MAGI2: variants seen among roughly 807,000 people sequenced by gnomAD.
MAGI2 encodes membrane-associated guanylate kinase, WW and PDZ domain-containing protein 2.
In MAGI2, 35 loss-of-function variants were observed where a neutral mutation model predicts 133.3. That is an observed-to-expected ratio of 0.26 (90% CI 0.20 to 0.35). The LOEUF is 0.35. Ranked by LOEUF, MAGI2 falls within the 10% of genes least tolerant of loss-of-function variation. The pLI, the probability that MAGI2 is intolerant of heterozygous loss-of-function variation, is 1.00. For synonymous variants in MAGI2, 729 were observed against 710.6 expected (o/e 1.03, Z -0.41); for missense variants, 1,636 against 1,863.4 (o/e 0.88, Z 2.25).
chr7:78,890,029 G>C (rs1259617681), intron 2 of MAGI2, among the ~76,000 whole-genome samples: 1 of 152,190 alleles, frequency 6.6e-6, no homozygotes, highest in African/African-American at 2.4e-5. Flanking sequence ...AAGGGATGGA[G>C]GAAGATCTAC....
chr7:78,633,705 CAA>C (rs36102006), intron 2 of MAGI2, among the ~76,000 whole-genome samples: 10 of 80,902 alleles, frequency 1.2e-4, no homozygotes, highest in Non-Finnish European at 1.5e-4. Context: ...GACTCCGTCT[CAA>C]AAAAAAAAAA....
chr7:79,032,670 T>A (rs913155692), intron 1 of MAGI2, among the ~76,000 whole-genome samples: 1 of 152,020 alleles, frequency 6.6e-6, no homozygotes, highest in East Asian at 1.9e-4. Flanking sequence ...ATCTGTAGCT[T>A]TCAGGGAATC....
At chr7:79,015,343 A>AT (rs199527886) in intron 1 of MAGI2, among the ~76,000 whole-genome samples, 1,577 of 81,044 alleles carry the variant, frequency 0.019, 26 homozygotes, top group African/African-American at 0.062. Context: ...GTCCTCTAAT[A>AT]TTTTTTTTCA....
intron 9 of MAGI2, chr7:78,285,845 T>G (rs1796095509): frequency 6.6e-6 from 1 of 152,148 alleles, no homozygotes; most frequent in South Asian, 2.1e-4. Flanking sequence ...CCTCTAGACC[T>G]GCAGTTCATA....
At chr7:78,223,268 C>T (rs571568879) in intron 10 of MAGI2, among the ~76,000 whole-genome samples, 1 of 152,202 alleles carries the variant, frequency 6.6e-6, no homozygotes, top group East Asian at 1.9e-4. Flanking sequence ...GTTCCCCAGA[C>T]CATTTGTTCT....
intron 1 of MAGI2, among the ~76,000 whole-genome samples, chr7:79,251,134 C>G (rs926784171): frequency 1.3e-5 from 2 of 152,042 alleles, no homozygotes; most frequent in Non-Finnish European, 2.9e-5. Flanking sequence ...TATGAAACTA[C>G]TAGAGGAAAC....
intron 1 of MAGI2, among the ~76,000 whole-genome samples, chr7:79,446,420 T>C (rs552496930): frequency 6.6e-6 from 1 of 152,306 alleles, no homozygotes; most frequent in South Asian, 2.1e-4. Flanking sequence ...TCCAATGATA[T>C]ATCCAAAGTA....
intron 3 of MAGI2, among the ~76,000 whole-genome samples, chr7:78,549,406 G>C (rs921749052): frequency 4.6e-5 from 7 of 151,510 alleles, no homozygotes; most frequent in Admixed American, 4.0e-4. Flanking sequence ...CTGCATTCTA[G>C]ATAAGAATTA....
At chr7:78,327,364 A>G (rs1476359948) in intron 9 of MAGI2, among the ~76,000 whole-genome samples, 3 of 152,226 alleles carry the variant, frequency 2.0e-5, no homozygotes, top group Non-Finnish European at 2.9e-5. Flanking sequence ...TGGCAAAGGA[A>G]GCGAGTCCAC....
chr7:78,066,265 C>G (rs1316513138), intron 21 of MAGI2, among the ~76,000 whole-genome samples: 1 of 152,024 alleles, frequency 6.6e-6, no homozygotes, highest in Non-Finnish European at 1.5e-5. Context: ...AGTTCAAGAC[C>G]AGCCTGGCCA....
intron 1 of MAGI2, among the ~76,000 whole-genome samples, chr7:79,267,267 C>G (rs1298130272): frequency 1.3e-5 from 2 of 152,166 alleles, no homozygotes; most frequent in Admixed American, 6.5e-5. Flanking sequence ...GCATCAGTGT[C>G]TGACTTTACT....
chr7:78,901,806 G>A (rs1336431176), intron 2 of MAGI2, among the ~76,000 whole-genome samples: 1 of 152,030 alleles, frequency 6.6e-6, no homozygotes, highest in African/African-American at 2.4e-5. Context: ...ATTCTTTCAG[G>A]AAACAAGCAA....
At chr7:78,598,481 G>T (rs1231167985) in intron 3 of MAGI2, among the ~76,000 whole-genome samples, 1 of 151,826 alleles carries the variant, frequency 6.6e-6, no homozygotes, top group East Asian at 1.9e-4. Context: ...AAGAGGTAGA[G>T]AAAAAGAAGT....
intron 3 of MAGI2, among the ~76,000 whole-genome samples, chr7:78,565,003 C>T (rs1259158450): frequency 6.6e-6 from 1 of 151,666 alleles, no homozygotes; most frequent in Non-Finnish European, 1.5e-5. Flanking sequence ...TCGTGTTAGC[C>T]AGGATGGTCT....
chr7:78,253,780 T>G (rs1247738859), intron 10 of MAGI2: 1 of 152,110 alleles, frequency 6.6e-6, no homozygotes, highest in East Asian at 1.9e-4. Flanking sequence ...AATTAAAAAC[T>G]CTAGTAAATA....
chr7:79,348,050 CAAG>C (rs1487913517), intron 1 of MAGI2, among the ~76,000 whole-genome samples: 3 of 151,660 alleles, frequency 2.0e-5, no homozygotes, highest in Non-Finnish European at 4.4e-5. Context: ...AAATGTAAGT[CAAG>C]TATATTAAGA....
chr7:78,259,636 G>C (rs1793322833), intron 9 of MAGI2, among the ~76,000 whole-genome samples: 1 of 152,162 alleles, frequency 6.6e-6, no homozygotes, highest in African/African-American at 2.4e-5. Flanking sequence ...TGGAAACAAT[G>C]GGTTTCTGAA....
At chr7:78,546,544 T>C (rs1053011547) in intron 3 of MAGI2, among the ~76,000 whole-genome samples, 4 of 152,112 alleles carry the variant, frequency 2.6e-5, no homozygotes, top group Admixed American at 2.6e-4. Context: ...AATCGTGGCC[T>C]TTCTTTAAGC....
At chr7:78,487,979 TA>T (rs1275144075) in intron 6 of MAGI2, among the ~76,000 whole-genome samples, 2 of 152,044 alleles carry the variant, frequency 1.3e-5, no homozygotes, top group African/African-American at 4.8e-5. Context: ...CAATATTACC[TA>T]AAAGCACTTT....
Sources: allele counts gnomAD v4.1 joint callset (sites outside exome capture counted in the v4.1 genomes callset), GRCh38; gene constraint gnomAD v4.1.1; transcripts MANE v1.5; gene names NCBI Gene and HGNC (gene_info 2026-07-23, HGNC 2026-07-21).